The following STX8 variants were observed in gnomAD, a reference collection of about 807,000 sequenced individuals.
The protein encoded by STX8 is syntaxin 8.
Under a neutral mutation model 37.5 loss-of-function variants are expected in STX8, and 23 were observed. That is an observed-to-expected ratio of 0.61 (90% CI 0.44 to 0.87). STX8 has a LOEUF of 0.87. STX8 is among the 40% of genes least tolerant of loss of function. The pLI, the probability that STX8 is intolerant of heterozygous loss-of-function variation, is 0.00. For missense variants in STX8, 313 were observed against 284.7 expected, an observed-to-expected ratio of 1.10 and a Z score of -0.71; for synonymous variants, 115 against 99.1, an observed-to-expected ratio of 1.16 and a Z score of -0.95.
intron 7 of STX8, among the ~76,000 whole-genome samples, chr17:9,357,229 A>C (rs1231860297): frequency 6.6e-6 from 1 of 150,788 alleles, no homozygotes; most frequent in Non-Finnish European, 1.5e-5. Flanking sequence ...TGGCCTCCCC[A>C]AATGTTGGGA....
chr17:9,323,341 A>G (rs1482667921), intron 7 of STX8, among the ~76,000 whole-genome samples: 1 of 152,216 alleles, frequency 6.6e-6, no homozygotes, highest in East Asian at 1.9e-4. Context: ...TAGCAATAAG[A>G]ATCAATTAAA....
chr17:9,409,480 TATTTA>T (rs1255683921), intron 6 of STX8, among the ~76,000 whole-genome samples: 3 of 152,200 alleles, frequency 2.0e-5, no homozygotes, highest in Non-Finnish European at 4.4e-5. Flanking sequence ...CCGCCTATTT[TATTTA>T]AACAAAAAAT....
At chr17:9,280,055 T>C (rs1167566234) in intron 7 of STX8, among the ~76,000 whole-genome samples, 1 of 152,130 alleles carries the variant, frequency 6.6e-6, no homozygotes, top group African/African-American at 2.4e-5. Context: ...ACCTCATTTC[T>C]ATAAAAAATA....
chr17:9,302,575 C>T (rs1908824623), intron 7 of STX8, among the ~76,000 whole-genome samples: 2 of 152,170 alleles, frequency 1.3e-5, no homozygotes, highest in South Asian at 2.1e-4. Context: ...TGAGCAGAAG[C>T]GGTGTGGCCC....
intron 5 of STX8, among the ~76,000 whole-genome samples, chr17:9,496,320 G>C (rs568450801): frequency 4.1e-4 from 63 of 152,096 alleles, no homozygotes; most frequent in Non-Finnish European, 7.4e-4. Context: ...AGGTGATCCA[G>C]CTGCCTCGGC....
At chr17:9,440,269 C>T (rs1291372283) in intron 6 of STX8, among the ~76,000 whole-genome samples, 1 of 152,082 alleles carries the variant, frequency 6.6e-6, no homozygotes, top group East Asian at 1.9e-4. Context: ...GTACCATTAC[C>T]TACCTAGTTA....
chr17:9,538,847 G>A (rs545044302), intron 4 of STX8, among the ~76,000 whole-genome samples: 18 of 152,088 alleles, frequency 1.2e-4, no homozygotes, highest in Middle Eastern at 6.8e-3. Flanking sequence ...GAGCAGTGGA[G>A]TATGCAATGG....
intron 6 of STX8, among the ~76,000 whole-genome samples, chr17:9,465,913 G>A (rs1016425490): frequency 6.6e-6 from 1 of 152,120 alleles, no homozygotes; most frequent in African/African-American, 2.4e-5. Context: ...CCTAGAAAAT[G>A]GAGGAAGTGG....
At chr17:9,498,773 A>G (rs8065140) in intron 5 of STX8, among the ~76,000 whole-genome samples, 39,174 of 152,174 alleles carry the variant, frequency 0.26, 5,261 homozygotes, top group South Asian at 0.39. Context: ...AGACTAGATG[A>G]AGCTGATGAA....
intron 7 of STX8, among the ~76,000 whole-genome samples, chr17:9,253,684 G>C (rs968525200): frequency 6.6e-6 from 1 of 152,110 alleles, no homozygotes; most frequent in African/African-American, 2.4e-5. Flanking sequence ...TGCTCCTGAA[G>C]CTCCAGTGGG....
chr17:9,516,159 C>T (rs1905149964), intron 4 of STX8, among the ~76,000 whole-genome samples: 1 of 151,498 alleles, frequency 6.6e-6, no homozygotes, highest in African/African-American at 2.4e-5. Context: ...GTTATTGCTC[C>T]TCTGAACTTA....
At chr17:9,422,272 T>C (rs1417163099) in intron 6 of STX8, among the ~76,000 whole-genome samples, 5 of 152,060 alleles carry the variant, frequency 3.3e-5, no homozygotes, top group African/African-American at 1.2e-4. Flanking sequence ...ACCTGACTAA[T>C]TTTTGTATTT....
intron 7 of STX8, among the ~76,000 whole-genome samples, chr17:9,300,572 C>T (rs1336110338): frequency 1.3e-5 from 2 of 151,872 alleles, no homozygotes; most frequent in Non-Finnish European, 2.9e-5. Context: ...TGTTCTCCAT[C>T]TGTGATGTTT....
rs534908556 is a variant in STX8 at position 9,435,679 on chromosome 17, T to A, written c.541+56150A>T. On this transcript the variant is annotated intron_variant, in intron 6 of 7. Transcript: ENST00000306357. ...AACGAGCGTTCGATTAAAGAGGGCC[T>A]TTAGTAACAGCCTAAGGAATTTTAA... is the stretch of plus-strand genomic sequence containing the variant. Among the ~76,000 whole-genome samples the A allele has an allele frequency of 1.1e-3, 170 of 152,328 alleles. 3 individuals carry two copies. Among genetic ancestry groups the A allele is most frequent in the African/African-American group, 3.9e-3 (162 of 41,568 alleles).
intron 6 of STX8, among the ~76,000 whole-genome samples, chr17:9,473,831 G>A (rs959445259): frequency 6.6e-6 from 1 of 152,126 alleles, no homozygotes; most frequent in Non-Finnish European, 1.5e-5. Context: ...TATTCATGAT[G>A]AGTCTTTTTG....
chr17:9,454,803 TATTG>T (rs992809086), intron 6 of STX8, among the ~76,000 whole-genome samples: 4 of 152,072 alleles, frequency 2.6e-5, no homozygotes, highest in Admixed American at 6.6e-5. Flanking sequence ...AAGGGGGAAC[TATTG>T]ATTTGGGAAA....
chr17:9,274,461 G>A (rs1475696047), intron 7 of STX8, among the ~76,000 whole-genome samples: 1 of 151,940 alleles, frequency 6.6e-6, no homozygotes, highest in Non-Finnish European at 1.5e-5. Flanking sequence ...CGGATCACAA[G>A]GTCAGGAGAT....
At chr17:9,313,786 A>G (rs551240099) in intron 7 of STX8, among the ~76,000 whole-genome samples, 1 of 152,150 alleles carries the variant, frequency 6.6e-6, no homozygotes, top group Non-Finnish European at 1.5e-5. Flanking sequence ...ACGTGCCACC[A>G]CACCCGGCTA....
chr17:9,479,489 G>A (rs926882922), intron 6 of STX8, among the ~76,000 whole-genome samples: 7 of 151,028 alleles, frequency 4.6e-5, no homozygotes, highest in Non-Finnish European at 8.8e-5. Context: ...AGCTGAGATC[G>A]TGCCACTGCA....
Sources: allele counts gnomAD v4.1 joint callset (sites outside exome capture counted in the v4.1 genomes callset), GRCh38; gene constraint gnomAD v4.1.1; transcripts MANE v1.5; gene names NCBI Gene and HGNC (gene_info 2026-07-23, HGNC 2026-07-21).